Variants in AGO2 observed in about 807,000 individuals in gnomAD.
The protein encoded by AGO2 is argonaute RISC catalytic component 2, also known as protein argonaute-2.
In AGO2, 5 loss-of-function variants were observed where a neutral mutation model predicts 102.3. That is an observed-to-expected ratio of 0.05 (90% CI 0.03 to 0.10). The LOEUF (loss-of-function observed/expected upper bound fraction) is 0.10, where lower values mean the gene tolerates loss of function less well. Among genes scored for constraint, AGO2 ranks in the 10% least tolerant of loss-of-function variants. The pLI, the probability that AGO2 is intolerant of heterozygous loss-of-function variation, is 1.00. For synonymous variants in AGO2, 449 were observed against 473.1 expected (o/e 0.95, Z 0.66); for missense variants, 541 against 1,183.7 (o/e 0.46, Z 7.97).
intron 17 of AGO2, among the ~76,000 whole-genome samples, chr8:140,533,503 C>T (rs1018313461): frequency 1.2e-4 from 18 of 151,368 alleles, no homozygotes; most frequent in African/African-American, 3.9e-4. Context: ...AGAAAAAGAC[C>T]TCTAATAAAA....
rs2072395831 is a variant in AGO2 at position 140,520,372 on chromosome 8, G to GT, written c.*11671dup. 6.6e-6 allele frequency: 1 copy of GT among 152,206 alleles called. No homozygotes were observed. The highest frequency in any genetic ancestry group is 1.5e-5 in the Non-Finnish European group (1 of 68,026). The allele number at this position is 152,206 out of a possible 1,614,324, so 9.4% of individuals were successfully genotyped here. A position where few individuals can be genotyped will look rare whatever the true frequency, so the allele number is the denominator to read the frequency against. ...ATACACACAGTAAGAAACAAAACAAGTAACTGTTAGGTTTTCCATGAATTT... is the reference window on the plus strand; with the variant it reads ...ATACACACAGTAAGAAACAAAACAAGTTAACTGTTAGGTTTTCCATGAATTT... On this transcript the variant is annotated 3_prime_UTR_variant, in exon 19 of 19. Coordinates refer to ENST00000220592, the MANE Select transcript of AGO2 (RefSeq NM_012154.5).
chr8:140,563,391 C>T (rs890173041), intron 3 of AGO2, among the ~76,000 whole-genome samples: 7 of 152,110 alleles, frequency 4.6e-5, no homozygotes, highest in African/African-American at 7.2e-5. Flanking sequence ...CCACCAAACT[C>T]GGCTAATTTT....
chr8:140,635,272 C>G (rs1416941489), intron 1 of AGO2, among the ~76,000 whole-genome samples: 1 of 145,890 alleles, frequency 6.9e-6, no homozygotes. Flanking sequence ...CGGGGCTGCG[C>G]GTCCAACGCG....
chr8:140,548,479 C>T (rs959137786), intron 12 of AGO2, among the ~76,000 whole-genome samples: 21 of 152,178 alleles, frequency 1.4e-4, no homozygotes, highest in Admixed American at 5.2e-4. Flanking sequence ...ACCCACCCCC[C>T]GCTATTCCTG....
At chr8:140,571,974 C>T (rs985686183) in intron 3 of AGO2, among the ~76,000 whole-genome samples, 5 of 152,220 alleles carry the variant, frequency 3.3e-5, no homozygotes, top group East Asian at 3.9e-4. Flanking sequence ...TCTTGTGATC[C>T]GCCCACCTCG....
At chr8:140,581,809 A>T (rs923083804) in intron 2 of AGO2, among the ~76,000 whole-genome samples, 1 of 152,220 alleles carries the variant, frequency 6.6e-6, no homozygotes, top group Non-Finnish European at 1.5e-5. Context: ...TACTCTGGAC[A>T]TGTTGAGTGA....
At chr8:140,614,015 CAAAAAAAAAAA>C (rs59000809) in intron 1 of AGO2, among the ~76,000 whole-genome samples, 2 of 57,650 alleles carry the variant, frequency 3.5e-5, no homozygotes, top group African/African-American at 7.1e-5. Context: ...GACCCTGTCT[CAAAAAAAAAAA>C]AAAAAAAAAA....
At chr8:140,573,885 C>T (rs1375827789) in intron 2 of AGO2, among the ~76,000 whole-genome samples, 1 of 152,220 alleles carries the variant, frequency 6.6e-6, no homozygotes. Flanking sequence ...GCTTGGCCTT[C>T]TGTGCTCCTC....
intron 2 of AGO2, among the ~76,000 whole-genome samples, chr8:140,583,978 T>C (rs1807508956): frequency 6.6e-6 from 1 of 152,062 alleles, no homozygotes; most frequent in African/African-American, 2.4e-5. Context: ...ACCACGGTGG[T>C]ATATGTGTCT....
At chr8:140,575,065 G>A (rs1348601829) in intron 2 of AGO2, among the ~76,000 whole-genome samples, 1 of 152,114 alleles carries the variant, frequency 6.6e-6, no homozygotes. Context: ...GGGAGTGCCC[G>A]TGGCAGATGC....
At chr8:140,608,763 AG>A (rs2074038096) in intron 1 of AGO2, among the ~76,000 whole-genome samples, 1 of 152,232 alleles carries the variant, frequency 6.6e-6, no homozygotes, top group African/African-American at 2.4e-5. Flanking sequence ...GAAAGCAGTG[AG>A]GGGTGTCCCT....
At chr8:140,586,836 G>C (rs534208667) in intron 1 of AGO2, among the ~76,000 whole-genome samples, 16 of 152,270 alleles carry the variant, frequency 1.1e-4, no homozygotes, top group Admixed American at 9.2e-4. Flanking sequence ...CAGAGCCCGG[G>C]AATCTGGCCC....
At chr8:140,621,853 G>A (rs1033771678) in intron 1 of AGO2, among the ~76,000 whole-genome samples, 4 of 152,094 alleles carry the variant, frequency 2.6e-5, no homozygotes, top group Non-Finnish European at 5.9e-5. Flanking sequence ...GAATGGAAAC[G>A]GTGCAGCCAC....
At chr8:140,622,192 T>C (rs73713200) in intron 1 of AGO2, among the ~76,000 whole-genome samples, 5,977 of 152,060 alleles carry the variant, frequency 0.039, 408 homozygotes, top group African/African-American at 0.14. Flanking sequence ...GTCAATCCAG[T>C]GAGACGGAAC....
intron 1 of AGO2, among the ~76,000 whole-genome samples, chr8:140,586,274 C>T (rs1287297583): frequency 2.0e-5 from 3 of 152,170 alleles, no homozygotes; most frequent in Non-Finnish European, 2.9e-5. Context: ...GGGTAGATTA[C>T]CTGAGGTCAG....
At chr8:140,536,802 G>C (rs1022548776) in intron 16 of AGO2, among the ~76,000 whole-genome samples, 1 of 152,210 alleles carries the variant, frequency 6.6e-6, no homozygotes, top group Non-Finnish European at 1.5e-5. Flanking sequence ...GGCTGCAGCG[G>C]GGAGGAAGGG....
rs774003482 is a variant in AGO2, at chr8:140,555,989, T to C, written c.1176A>G (p.Pro392=). The change falls in exon 10 of 19, where the codon CCA becomes CCG. Residue 392 remains proline, a synonymous_variant. Coordinates refer to ENST00000220592, the MANE Select transcript of AGO2 (RefSeq NM_012154.5). Reference sequence around the variant, plus strand: ...CCATGATTCCAAATTCACGGACGTATGGATCTGTGTTGAAACTTGCACTTC... The same window carrying C: ...CCATGATTCCAAATTCACGGACGTACGGATCTGTGTTGAAACTTGCACTTC... The part of the protein sequence containing the change: ...LMRSASFNTD[P]YVREFGIMVK... 7.4e-6 allele frequency: 12 copies of C among 1,614,198 alleles called. No individual in the cohort carries two copies. In the South Asian group the frequency reaches 1.2e-4, roughly 16 times the overall value.
chr8:140,561,597 G>A (rs941146874), intron 4 of AGO2, among the ~76,000 whole-genome samples: 2 of 152,156 alleles, frequency 1.3e-5, no homozygotes, highest in Non-Finnish European at 2.9e-5. Context: ...TGTTCCTGCC[G>A]GGAGTGACAG....
At chr8:140,611,839 A>G (rs1306133850) in intron 1 of AGO2, among the ~76,000 whole-genome samples, 1 of 152,226 alleles carries the variant, frequency 6.6e-6, no homozygotes, top group African/African-American at 2.4e-5. Context: ...TGTCTGTTGC[A>G]ATCGTAAAAT....
Sources: gnomAD v4.1 joint callset for allele counts (sites outside exome capture counted in the v4.1 genomes callset) on GRCh38, gnomAD v4.1.1 for gene constraint, MANE v1.5 for transcripts, NCBI Gene and HGNC (gene_info 2026-07-23, HGNC 2026-07-21) for gene names.